Variants in BLZF1 observed in about 807,000 individuals in gnomAD.
The protein encoded by BLZF1 is golgin-45.
In BLZF1, 39 loss-of-function variants were observed where a neutral mutation model predicts 43.8. That is an observed-to-expected ratio of 0.89 (90% CI 0.69 to 1.16). The LOEUF is 1.16. Ranked by LOEUF, BLZF1 falls within the 50% of genes most tolerant of loss-of-function variation. BLZF1 has a pLI of 0.00. For missense variants in BLZF1, 449 were observed against 469.8 expected (o/e 0.96, Z 0.41); for synonymous variants, 136 against 159.4 (o/e 0.85, Z 1.11).
chr1:169,368,772 G>A (rs1262481870), intron 1 of BLZF1, among the ~76,000 whole-genome samples: 1 of 152,196 alleles, frequency 6.6e-6, no homozygotes, highest in East Asian at 1.9e-4. Context: ...TAATTGAACT[G>A]AGTTGTATCT....
chr1:169,369,550 G>GGTAA lies in BLZF1; in HGVS notation c.28+3_28+6dup. On this transcript the variant is annotated frameshift_variant and splice_region_variant. Coordinates refer to ENST00000367808, the MANE Select transcript of BLZF1 (RefSeq NM_001320973.2). LOFTEE classifies it high-confidence loss of function. ...GACTACTAAAAATTTAGAAACCAAAGGTAAGTGGCTTTTTTATAATTGTTT... is the reference window on the plus strand; with the variant it reads ...GACTACTAAAAATTTAGAAACCAAAGGTAAGTAAGTGGCTTTTTTATAATTGTTT... The GGTAA allele has an allele frequency of 6.2e-7, 1 of 1,606,260 alleles. No homozygotes were observed. Among genetic ancestry groups the GGTAA allele is most frequent in the Non-Finnish European group, 8.5e-7 (1 of 1,174,576 alleles).
At chr1:169,389,077 G>A (rs1362142577), downstream of BLZF1, among the ~76,000 whole-genome samples, 5 of 151,930 alleles carry the variant, frequency 3.3e-5, no homozygotes, top group East Asian at 1.9e-4. Flanking sequence ...AGCCGAGATC[G>A]CGCCGCTGCA....
At chr1:169,394,632 C>T (rs539155759) in intron 7 of BLZF1, among the ~76,000 whole-genome samples, 23 of 152,066 alleles carry the variant, frequency 1.5e-4, no homozygotes, top group Non-Finnish European at 3.2e-4. Flanking sequence ...TATTCAAATC[C>T]AAAGTTGACA....
rs116595649 is a variant in BLZF1 at position 169,394,726 on chromosome 1, A to T, written c.*28-1168A>T. On this transcript the variant is annotated intron_variant, in intron 7 of 7. Transcript: ENST00000329281. The stretch of plus-strand genomic sequence containing the variant: ...ATGAAATGTTCCATTGTAATTTTTT[A>T]AAAATAATAGGAAGTATGAATAGAA... 7.9e-3 allele frequency: 1,353 copies of T among 170,260 alleles called. 20 individuals are homozygous for T. Among genetic ancestry groups the T allele is most frequent in the African/African-American group, 0.03 (1,267 of 42,266 alleles). The allele number at this position is 170,260 out of a possible 1,614,324, so 10.5% of individuals were successfully genotyped here.
In BLZF1 at chr1:169,387,822, A is replaced by G. The variant is rs1342965178; in HGVS notation, c.*640A>G. ...ATGCTATATATTAGGAAAATAAAAA[A>G]TATTTTAGAGCCAAGTTAACAAGTA... On this transcript the variant is annotated 3_prime_UTR_variant, in exon 7 of 7. Transcript: ENST00000367808. 6.6e-6 allele frequency: 1 copy of G among 152,202 alleles called. No homozygotes were observed. The highest frequency in any genetic ancestry group is 1.5e-5 in the Non-Finnish European group (1 of 68,034). The allele number at this position is 152,202 out of a possible 1,614,324, so 9.4% of individuals were successfully genotyped here.
At chr1:169,390,745 C>G (rs913448510), downstream of BLZF1, among the ~76,000 whole-genome samples, 2 of 152,108 alleles carry the variant, frequency 1.3e-5, no homozygotes, top group African/African-American at 4.8e-5. Flanking sequence ...CTAAATTACA[C>G]TTTTTCTTAA....
chr1:169,381,296 CA>C (rs1654520300), intron 5 of BLZF1, among the ~76,000 whole-genome samples: 2 of 151,920 alleles, frequency 1.3e-5, no homozygotes, highest in African/African-American at 4.8e-5. Context: ...ATGAAATGGA[CA>C]AACTCCATGA....
At chr1:169,377,095 G>C (rs1054228153) in intron 3 of BLZF1, 116 bp downstream of exon 3, 19 of 870,792 alleles carry the variant, frequency 2.2e-5, no homozygotes, top group Admixed American at 2.9e-5. Flanking sequence ...TAGCTTGTCA[G>C]TTCTCTAAAA....
chr1:169,391,138 T>A (rs971598025), downstream of BLZF1, among the ~76,000 whole-genome samples: 14 of 152,128 alleles, frequency 9.2e-5, no homozygotes, highest in Non-Finnish European at 1.5e-5. Flanking sequence ...CAAAACCTGA[T>A]CTCAATCAAA....
At position 169,376,879 on chromosome 1, in the gene BLZF1, T is replaced by C. The variant is rs763763600; in HGVS notation, c.368T>C (p.Leu123Pro). 6.2e-7 allele frequency: 1 copy of C among 1,613,102 alleles called. No homozygotes were observed. Among genetic ancestry groups the C allele is most frequent in the Non-Finnish European group, 8.5e-7 (1 of 1,179,428 alleles). ...GGAGTTATAGAACCTAATAAGGAAC[T>C]CTCAGAGGTAAAGAATGTATTGGAA... is the stretch of plus-strand genomic sequence containing the variant. ...SEGVIEPNKE[L>P]SEVKNVLEKL... The change falls in exon 3 of 7, where the codon CTC (leucine) becomes CCC (proline). Residue 123 changes from leucine to proline, a missense_variant. Leu to Pro is a moderately conservative substitution (Grantham distance 98, BLOSUM62 -3). Coordinates refer to ENST00000367808, the MANE Select transcript of BLZF1 (RefSeq NM_001320973.2).
chr1:169,388,845 G>A (rs1654746084), downstream of BLZF1, among the ~76,000 whole-genome samples: 1 of 152,120 alleles, frequency 6.6e-6, no homozygotes, highest in South Asian at 2.1e-4. Flanking sequence ...AATTGGCCTG[G>A]CGCAGTGGCT....
chr1:169,379,056 A>G (rs929190481), intron 4 of BLZF1, among the ~76,000 whole-genome samples: 1 of 151,756 alleles, frequency 6.6e-6, no homozygotes, highest in African/African-American at 2.4e-5. Context: ...CTCTCAACAC[A>G]CTGGTGGTTG....
chr1:169,390,581 T>C (rs1404786818), downstream of BLZF1, among the ~76,000 whole-genome samples: 1 of 152,160 alleles, frequency 6.6e-6, no homozygotes, highest in Non-Finnish European at 1.5e-5. Context: ...AGACATGTAT[T>C]AGTCCACTCT....
Position 169,382,064 on chromosome 1 carries a change from T to G in BLZF1, c.800T>G (p.Leu267Ter), listed in dbSNP as rs577700573. 6.2e-7 allele frequency: 1 copy of G among 1,612,872 alleles called. No homozygotes were observed. The highest frequency in any genetic ancestry group is 1.7e-5 in the Admixed American group (1 of 59,948). The change falls in exon 6 of 7, where the codon TTA (leucine) becomes TGA (stop). Residue 267 changes from leucine to a stop codon, truncating the protein, a stop_gained and splice_region_variant. Coordinates refer to ENST00000367808, the MANE Select transcript of BLZF1 (RefSeq NM_001320973.2). LOFTEE classifies it high-confidence loss of function. The part of the protein sequence containing the change: ...FRQEMIATQK[L>*]LEELLVSLQW... ...GTGTTCATGTGTGTTCTATGCAGATTATTGGAGGAGCTCTTAGTTTCCTTG... is the reference window on the plus strand; with the variant it reads ...GTGTTCATGTGTGTTCTATGCAGATGATTGGAGGAGCTCTTAGTTTCCTTG...
chr1:169,370,211 T>C (rs1036344753), intron 2 of BLZF1, among the ~76,000 whole-genome samples: 1 of 152,210 alleles, frequency 6.6e-6, no homozygotes, highest in Non-Finnish European at 1.5e-5. Flanking sequence ...AGCAGTCATA[T>C]TGAAAAAAGG....
chr1:169,370,266 T>A (rs1654067014), intron 2 of BLZF1, among the ~76,000 whole-genome samples: 1 of 152,256 alleles, frequency 6.6e-6, no homozygotes, highest in Non-Finnish European at 1.5e-5. Context: ...TAATTACATC[T>A]GCAGTGATCC....
At position 169,394,968 on chromosome 1, in the gene BLZF1, A is replaced by AC. The variant is rs1491069625; in HGVS notation, c.*28-926_*28-925insC. On this transcript the variant is annotated intron_variant, in intron 7 of 7. Coordinates refer to the BLZF1 transcript ENST00000329281. ...ATACCATTTCCATAATTTAGAATAC[A>AC]ACCAAAGTACACAGACCCTAAGAAA... The AC allele has an allele frequency of 1.3e-3, 1,629 of 1,274,078 alleles. 14 individuals are homozygous for AC. In the African/African-American group the frequency reaches 0.021, roughly 16 times the overall value. The allele number at this position is 1,274,078 out of a possible 1,614,324, so 78.9% of individuals were successfully genotyped here.
chr1:169,370,788 A>C (rs959451326), intron 2 of BLZF1, among the ~76,000 whole-genome samples: 3 of 152,154 alleles, frequency 2.0e-5, no homozygotes, highest in Non-Finnish European at 4.4e-5. Flanking sequence ...TGACTTCAGT[A>C]ATTATCTATA....
chr1:169,378,400 T>C lies in BLZF1; in HGVS notation c.539T>C (p.Leu180Pro), dbSNP rs777188446. 1.2e-5 allele frequency: 19 copies of C among 1,612,920 alleles called. No individual in the cohort carries two copies. The highest frequency in any genetic ancestry group is 1.4e-5 in the Non-Finnish European group (16 of 1,179,190). Residue 180 changes from leucine (L) to proline (P), a missense_variant, in exon 4 of 7, where the codon CTA (leucine) becomes CCA (proline). By Grantham distance (98) the Leu-to-Pro change is moderately conservative (BLOSUM62 -3). Transcript: ENST00000367808. ...GATCTTCAGTATCACTTTGAACGTCTAGCCCGTGAGAAAAATCAGCTTATT... is the reference window on the plus strand; with the variant it reads ...GATCTTCAGTATCACTTTGAACGTCCAGCCCGTGAGAAAAATCAGCTTATT... The part of the protein sequence containing the change: ...GDDLQYHFER[L>P]AREKNQLILE...
Sources: gnomAD v4.1 joint callset for allele counts (sites outside exome capture counted in the v4.1 genomes callset) on GRCh38, gnomAD v4.1.1 for gene constraint, MANE v1.5 for transcripts, NCBI Gene and HGNC (gene_info 2026-07-23, HGNC 2026-07-21) for gene names.